RAB27A: variants seen among roughly 807,000 people sequenced by gnomAD.
The protein encoded by RAB27A is RAB27A, member RAS oncogene family.
RAB27A carries 17 observed loss-of-function variants against 20.8 expected under a neutral mutation model. That is an observed-to-expected ratio of 0.82 (90% confidence interval 0.56 to 1.23). The LOEUF (loss-of-function observed/expected upper bound fraction) is 1.23. RAB27A is among the 50% of genes most tolerant of loss of function. The pLI, the probability that RAB27A is intolerant of heterozygous loss-of-function variation, is 0.00. For synonymous variants in RAB27A, 85 were observed against 92.8 expected, an observed-to-expected ratio of 0.92 and a Z score of 0.48; for missense variants, 277 against 266.7, an observed-to-expected ratio of 1.04 and a Z score of -0.27.
chr15:55,226,176 T>C (rs1895787504), intron 5 of RAB27A, among the ~76,000 whole-genome samples: 1 of 151,994 alleles, frequency 6.6e-6, no homozygotes, highest in Non-Finnish European at 1.5e-5. Context: ...GGATGAAGAG[T>C]GACTCTGGGC....
intron 6 of RAB27A, among the ~76,000 whole-genome samples, chr15:55,212,906 G>A (rs1895098043): frequency 6.6e-6 from 1 of 152,218 alleles, no homozygotes; most frequent in Non-Finnish European, 1.5e-5. Context: ...AACTCACAAA[G>A]CATTGCTTCA....
At position 55,205,644 on chromosome 15, in the gene RAB27A, G is replaced by A. The variant is rs2140891385; in HGVS notation, c.529C>T (p.Leu177Phe). 6.2e-7 allele frequency: 1 copy of A among 1,614,070 alleles called. No homozygotes were observed. The highest frequency in any genetic ancestry group is 8.5e-7 in the Non-Finnish European group (1 of 1,179,974). ...ATTCGCTTCATTATCAGGTCCAGAAGCATCTCAATTGCTTGGCTTATGTTT... is the reference window on the plus strand; with the variant it reads ...ATTCGCTTCATTATCAGGTCCAGAAACATCTCAATTGCTTGGCTTATGTTT... Reference protein sequence around the residue: ...GTNISQAIEMLLDLIMKRMER... With the variant: ...GTNISQAIEMFLDLIMKRMER... Residue 177 changes from leucine (L) to phenylalanine (F), a missense_variant, in exon 7 of 7, where the codon CTT becomes TTT. Transcript: ENST00000336787.
intron 2 of RAB27A, among the ~76,000 whole-genome samples, chr15:55,237,926 G>T (rs1478367635): frequency 6.6e-6 from 1 of 152,104 alleles, no homozygotes; most frequent in East Asian, 1.9e-4. Flanking sequence ...GGAATTCAAA[G>T]ACTTAAATGA....
intron 5 of RAB27A, among the ~76,000 whole-genome samples, chr15:55,224,366 TC>T (rs1320570679): frequency 1.3e-5 from 2 of 152,256 alleles, no homozygotes; most frequent in Non-Finnish European, 2.9e-5. Flanking sequence ...TTGCAGGAGT[TC>T]CTAGGGTTTA....
intron 1 of RAB27A, among the ~76,000 whole-genome samples, chr15:55,271,087 TG>T (rs1897691654): frequency 6.6e-6 from 1 of 152,242 alleles, no homozygotes; most frequent in Non-Finnish European, 1.5e-5. Flanking sequence ...TTTGGTTTTC[TG>T]GTCCCCACGT....
rs1894595324 is a variant in RAB27A at position 55,205,472 on chromosome 15, G to A, written c.*35C>T. 6.3e-7 allele frequency: 1 copy of A among 1,594,338 alleles called. No individual in the cohort carries two copies. The highest frequency in any genetic ancestry group is 8.6e-7 in the Non-Finnish European group (1 of 1,162,190). ...AATCATAGAGAAGATCCCAGGCATG[G>A]GCCACCTGAACTACTATGTCGCTTA... On this transcript the variant is annotated 3_prime_UTR_variant, in exon 7 of 7. Transcript: ENST00000336787.
chr15:55,215,759 C>A (rs938173158), intron 6 of RAB27A, among the ~76,000 whole-genome samples: 23 of 148,516 alleles, frequency 1.5e-4, no homozygotes, highest in African/African-American at 5.2e-4. Flanking sequence ...GTCAGGAGTT[C>A]AAGACCAGAA....
At chr15:55,246,306 A>G (rs1177059229) in intron 2 of RAB27A, among the ~76,000 whole-genome samples, 1 of 152,144 alleles carries the variant, frequency 6.6e-6, no homozygotes, top group Non-Finnish European at 1.5e-5. Context: ...AACATAACCC[A>G]GTAGGCAAAT....
At chr15:55,273,025 C>T (rs570714959) in intron 1 of RAB27A, among the ~76,000 whole-genome samples, 215 of 152,178 alleles carry the variant, frequency 1.4e-3, no homozygotes, top group Non-Finnish European at 2.4e-3. Context: ...GAACGAACTA[C>T]CAAATAGAAA....
intron 2 of RAB27A, among the ~76,000 whole-genome samples, chr15:55,309,270 T>C (rs765756041): frequency 6.6e-6 from 1 of 152,204 alleles, no homozygotes; most frequent in Non-Finnish European, 1.5e-5. Flanking sequence ...TAAGCCAGTA[T>C]AGGCTGGATA....
chr15:55,317,788 A>G, intron 1 of RAB27A: 1 of 398,302 alleles, frequency 2.5e-6, no homozygotes, highest in Non-Finnish European at 4.4e-6. Flanking sequence ...CAATCTCCTA[A>G]ACATTGCTGC....
At chr15:55,303,063 G>C (rs878867467) in intron 2 of RAB27A, among the ~76,000 whole-genome samples, 7 of 143,702 alleles carry the variant, frequency 4.9e-5, no homozygotes, top group Non-Finnish European at 9.2e-5. Context: ...CCGGCCAGCC[G>C]CGCCATCCGG....
chr15:55,249,343 T>C (rs1415863193), intron 2 of RAB27A, among the ~76,000 whole-genome samples: 2 of 152,224 alleles, frequency 1.3e-5, no homozygotes, highest in Middle Eastern at 3.4e-3. Flanking sequence ...GGCGCAATTA[T>C]GTCTCACCGC....
intron 2 of RAB27A, among the ~76,000 whole-genome samples, chr15:55,298,965 G>A (rs187082714): frequency 1.3e-5 from 2 of 152,222 alleles, no homozygotes; most frequent in African/African-American, 2.4e-5. Context: ...CTTTTTTCAA[G>A]GTGCCCAGAT....
chr15:55,242,895 C>T (rs1435006292), intron 2 of RAB27A, among the ~76,000 whole-genome samples: 1 of 152,164 alleles, frequency 6.6e-6, no homozygotes, highest in African/African-American at 2.4e-5. Flanking sequence ...CTCATGTCTC[C>T]TAAATTCTAG....
intron 1 of RAB27A, among the ~76,000 whole-genome samples, chr15:55,273,973 C>A (rs1045498551): frequency 6.6e-6 from 1 of 152,178 alleles, no homozygotes; most frequent in African/African-American, 2.4e-5. Context: ...GTGGAATATT[C>A]TTCCGGATAG....
At chr15:55,246,709 A>C (rs1896700181) in intron 2 of RAB27A, among the ~76,000 whole-genome samples, 1 of 152,096 alleles carries the variant, frequency 6.6e-6, no homozygotes, top group African/African-American at 2.4e-5. Flanking sequence ...GTAATATCTC[A>C]AATAATGTGA....
chr15:55,244,887 T>C (rs1367448375), intron 2 of RAB27A, among the ~76,000 whole-genome samples: 1 of 152,214 alleles, frequency 6.6e-6, no homozygotes, highest in Admixed American at 6.5e-5. Flanking sequence ...TCAGTACTTT[T>C]ATGTTTAACG....
chr15:55,240,820 C>A (rs1896449405), intron 2 of RAB27A, among the ~76,000 whole-genome samples: 1 of 152,282 alleles, frequency 6.6e-6, no homozygotes, highest in Middle Eastern at 3.4e-3. Context: ...TTCAGTCTTA[C>A]AATCCAAGAC....
Sources: allele counts gnomAD v4.1 joint callset (sites outside exome capture counted in the v4.1 genomes callset), GRCh38; gene constraint gnomAD v4.1.1; transcripts MANE v1.5; gene names NCBI Gene and HGNC (gene_info 2026-07-23, HGNC 2026-07-21).